Variants in SBF2 observed in about 807,000 individuals in gnomAD.
SBF2 encodes the protein myotubularin-related protein 13.
A neutral mutation model predicts 225.2 loss-of-function variants in SBF2; 112 were observed. The observed-to-expected ratio is 0.50, with a 90% CI of 0.43 to 0.58. SBF2 has a LOEUF of 0.58. SBF2 is among the 20% of genes least tolerant of loss of function. The probability of loss-of-function intolerance (pLI) is 0.00; values close to 1 mark genes in which losing one functional copy is unlikely to be tolerated. For missense variants in SBF2, 1,996 were observed against 2,206.2 expected, an observed-to-expected ratio of 0.90 and a Z score of 1.91; for synonymous variants, 763 against 773.3, an observed-to-expected ratio of 0.99 and a Z score of 0.22.
chr11:9,885,726 C>A (rs1192756657), intron 17 of SBF2, among the ~76,000 whole-genome samples: 2 of 151,672 alleles, frequency 1.3e-5, no homozygotes, highest in African/African-American at 4.8e-5. Flanking sequence ...AAAATTTTTA[C>A]GTTTTTATTA....
At chr11:9,916,001 T>C (rs146531498) in intron 16 of SBF2, among the ~76,000 whole-genome samples, 2 of 152,088 alleles carry the variant, frequency 1.3e-5, no homozygotes, top group African/African-American at 4.8e-5. Flanking sequence ...GAGGCGGAGG[T>C]TGCAGTGAGC....
chr11:9,983,254 G>T (rs1041560665), intron 13 of SBF2, among the ~76,000 whole-genome samples: 5 of 152,192 alleles, frequency 3.3e-5, no homozygotes, highest in East Asian at 1.9e-4. Flanking sequence ...CAGCGGGAGA[G>T]AAACTGGCCC....
chr11:10,278,843 C>A (rs548038633), intron 1 of SBF2, among the ~76,000 whole-genome samples: 1 of 150,674 alleles, frequency 6.6e-6, no homozygotes, highest in Non-Finnish European at 1.5e-5. Flanking sequence ...TAATCAATGC[C>A]TTCACTTTCC....
At chr11:10,286,767 T>C (rs936609470) in intron 1 of SBF2, among the ~76,000 whole-genome samples, 1 of 152,190 alleles carries the variant, frequency 6.6e-6, no homozygotes, top group African/African-American at 2.4e-5. Flanking sequence ...TTTTAAGTAA[T>C]AAATTAAATT....
chr11:9,805,864 A>G (rs577632750), intron 32 of SBF2, among the ~76,000 whole-genome samples: 23 of 152,170 alleles, frequency 1.5e-4, no homozygotes, highest in Admixed American at 4.6e-4. Context: ...CTCGTGATCC[A>G]CCCACCTTGG....
At chr11:10,275,941 G>A (rs923098392) in intron 1 of SBF2, among the ~76,000 whole-genome samples, 4 of 151,856 alleles carry the variant, frequency 2.6e-5, no homozygotes, top group Non-Finnish European at 5.9e-5. Context: ...TGCTATACAG[G>A]TTTCAACATT....
intron 35 of SBF2, among the ~76,000 whole-genome samples, 199 bp downstream of exon 35, chr11:9,788,910 A>T (rs1852556363): frequency 6.6e-6 from 1 of 151,922 alleles, no homozygotes; most frequent in East Asian, 1.9e-4. Context: ...AGGCTGGAAA[A>T]TCACTTTTAT....
chr11:10,179,662 T>A (rs1381269627), intron 2 of SBF2, among the ~76,000 whole-genome samples: 1 of 152,206 alleles, frequency 6.6e-6, no homozygotes, highest in Non-Finnish European at 1.5e-5. Flanking sequence ...ATTCTTTAGC[T>A]CTAATAATAT....
intron 30 of SBF2, chr11:9,810,751 A>G (rs1298389984): frequency 6.6e-6 from 1 of 152,250 alleles, no homozygotes; most frequent in Non-Finnish European, 1.5e-5. Flanking sequence ...GAATGTATAT[A>G]CATTTCTGGT....
rs1590066878 is a variant in SBF2, at chr11:9,781,090, C to T, written c.5451+417G>A. On this transcript the variant is annotated intron_variant, in intron 39 of 39. Coordinates refer to ENST00000256190, the MANE Select transcript of SBF2 (RefSeq NM_030962.4). The stretch of plus-strand genomic sequence containing the variant: ...GGCCTATAAAGTGCCCCATGGCCTA[C>T]CTAAGGGCTGCTGAAGATGTTAGCG... Among the ~76,000 whole-genome samples, 3 of 152,332 alleles carry T rather than the reference C, an allele frequency of 2.0e-5. No homozygotes were observed. In the Middle Eastern group the frequency reaches 0.01, roughly 518 times the overall value.
rs1853961075 is a variant in SBF2, at chr11:9,808,203, T to A, written c.4258-18A>T. On this transcript the variant is annotated intron_variant, in intron 31 of 39. Coordinates refer to ENST00000256190, the MANE Select transcript of SBF2 (RefSeq NM_030962.4). Reference sequence around the variant, plus strand: ...GATGTCACCTAGGGCATAAGCAGGATGGATTGTCATTAATTTTAGTTCTGA... The same window carrying A: ...GATGTCACCTAGGGCATAAGCAGGAAGGATTGTCATTAATTTTAGTTCTGA... 1 of 1,609,036 alleles carries A rather than the reference T, an allele frequency of 6.2e-7. No homozygotes were observed. Among genetic ancestry groups the A allele is most frequent in the African/African-American group, 1.3e-5 (1 of 74,834 alleles).
chr11:9,822,629 A>C (rs1854832916), intron 28 of SBF2, among the ~76,000 whole-genome samples: 1 of 152,214 alleles, frequency 6.6e-6, no homozygotes, highest in Non-Finnish European at 1.5e-5. Flanking sequence ...GAACCGGCTA[A>C]GGGGACTGCT....
intron 1 of SBF2, among the ~76,000 whole-genome samples, chr11:10,253,135 A>AAAAAAAAAAAAC (rs1960534063): frequency 6.6e-6 from 1 of 151,672 alleles, no homozygotes; most frequent in African/African-American, 2.4e-5. Context: ...AAAAAAAAAA[A>AAAAAAAAAAAAC]AAAAAAATCA....
chr11:9,934,631 G>C (rs1191138458), intron 16 of SBF2, among the ~76,000 whole-genome samples: 5 of 152,144 alleles, frequency 3.3e-5, no homozygotes, highest in Admixed American at 6.5e-5. Flanking sequence ...CTTCATCCCT[G>C]GGGTGCAAGG....
At chr11:9,893,971 C>A (rs550948668) in intron 17 of SBF2, among the ~76,000 whole-genome samples, 1 of 152,142 alleles carries the variant, frequency 6.6e-6, no homozygotes, top group Non-Finnish European at 1.5e-5. Flanking sequence ...TCTGGTCAGG[C>A]GTGGTGGCTC....
rs13306110 is a variant in SBF2 at position 10,304,183 on chromosome 11, G to A, written n.386+309C>T. Among the ~76,000 whole-genome samples the A allele has an allele frequency of 1.6e-4, 24 of 152,292 alleles. No individual in the cohort carries two copies. In the East Asian group the frequency reaches 4.6e-3, roughly 29 times the overall value. On this transcript the variant is annotated intron_variant and non_coding_transcript_variant, in intron 1 of 5. Transcript: ENST00000685217. ...TGGCTGTGAAGCTCAAAGTAGACTGGGATGTGGCCGTGCTTGGTAAACTGT... is the reference window on the plus strand; with the variant it reads ...TGGCTGTGAAGCTCAAAGTAGACTGAGATGTGGCCGTGCTTGGTAAACTGT...
chr11:9,946,838 C>G (rs1255236967), intron 16 of SBF2, among the ~76,000 whole-genome samples: 10 of 152,210 alleles, frequency 6.6e-5, no homozygotes. Flanking sequence ...TTAAATTCTA[C>G]TTGCAAAAGC....
At chr11:10,113,998 T>C (rs931770189) in intron 2 of SBF2, among the ~76,000 whole-genome samples, 2 of 152,160 alleles carry the variant, frequency 1.3e-5, no homozygotes, top group Admixed American at 6.5e-5. Flanking sequence ...ATATTGTTAG[T>C]GTGTATTTCT....
At chr11:9,834,033 T>G (rs1487360142) in intron 26 of SBF2, among the ~76,000 whole-genome samples, 2 of 151,716 alleles carry the variant, frequency 1.3e-5, no homozygotes, top group East Asian at 1.9e-4. Flanking sequence ...CCTCCCAAAG[T>G]GCTGGGAGTA....
Sources: allele counts gnomAD v4.1 joint callset (sites outside exome capture counted in the v4.1 genomes callset), GRCh38; gene constraint gnomAD v4.1.1; transcripts MANE v1.5; gene names NCBI Gene and HGNC (gene_info 2026-07-23, HGNC 2026-07-21).